PTPRD: variants seen among roughly 807,000 people sequenced by gnomAD.
PTPRD encodes protein tyrosine phosphatase receptor type D, also known as receptor-type tyrosine-protein phosphatase delta.
PTPRD carries 34 observed loss-of-function variants against 214.5 expected under a neutral mutation model. The observed-to-expected ratio is 0.16, with a 90% CI of 0.12 to 0.21. PTPRD has a LOEUF of 0.21. PTPRD is among the 10% of genes least tolerant of loss of function. PTPRD has a pLI of 1.00. For missense variants in PTPRD, 2,545 were observed against 2,398.7 expected (o/e 1.06, Z -1.27); for synonymous variants, 1,128 against 845.7 (o/e 1.33, Z -5.79).
At chr9:10,219,850 C>T (rs564069104) in intron 3 of PTPRD, among the ~76,000 whole-genome samples, 1 of 151,454 alleles carries the variant, frequency 6.6e-6, no homozygotes, top group African/African-American at 2.4e-5. Flanking sequence ...ACAGAAGTAA[C>T]AAAATAATGA....
At chr9:10,555,406 C>G (rs993334787) in intron 2 of PTPRD, among the ~76,000 whole-genome samples, 5 of 152,126 alleles carry the variant, frequency 3.3e-5, no homozygotes, top group African/African-American at 1.2e-4. Flanking sequence ...AAGATATTAC[C>G]TATTACACAA....
At chr9:10,568,555 A>G (rs10756062) in intron 2 of PTPRD, among the ~76,000 whole-genome samples, 41,807 of 151,948 alleles carry the variant, frequency 0.28, 6,126 homozygotes, top group Non-Finnish European at 0.33. Flanking sequence ...GACTTCCACA[A>G]TGGTTGAACT....
intron 12 of PTPRD, among the ~76,000 whole-genome samples, chr9:8,699,931 A>AT (rs1286991622): frequency 1.3e-5 from 2 of 152,170 alleles, no homozygotes; most frequent in East Asian, 1.9e-4. Context: ...TGATTTAACC[A>AT]TTTTTTTCTC....
intron 12 of PTPRD, among the ~76,000 whole-genome samples, chr9:8,726,819 A>G (rs1220717917): frequency 8.2e-6 from 1 of 122,532 alleles, no homozygotes; most frequent in East Asian, 2.4e-4. Flanking sequence ...AAAAAAAAAA[A>G]GATTAGCTAA....
At chr9:9,518,924 T>C (rs2096899689) in intron 8 of PTPRD, among the ~76,000 whole-genome samples, 1 of 152,060 alleles carries the variant, frequency 6.6e-6, no homozygotes, top group Non-Finnish European at 1.5e-5. Flanking sequence ...ATACTTAATA[T>C]GAATATGTAT....
At chr9:10,054,287 G>T (rs2097582777) in intron 3 of PTPRD, among the ~76,000 whole-genome samples, 1 of 152,066 alleles carries the variant, frequency 6.6e-6, no homozygotes, top group South Asian at 2.1e-4. Flanking sequence ...ATTTGAAGAG[G>T]CAATAACAGA....
chr9:10,575,932 A>AC (rs1555550557), intron 2 of PTPRD, among the ~76,000 whole-genome samples: 1 of 151,910 alleles, frequency 6.6e-6, no homozygotes, highest in African/African-American at 2.4e-5. Flanking sequence ...CTGGGGAATT[A>AC]TTTTTTTTAA....
At chr9:10,100,331 T>A (rs417275) in intron 3 of PTPRD, among the ~76,000 whole-genome samples, 50,845 of 151,424 alleles carry the variant, frequency 0.34, 9,354 homozygotes, top group East Asian at 0.53. Context: ...TAGAGAAAAT[T>A]TAAATATCCA....
At position 9,854,699 on chromosome 9, in the gene PTPRD, GT is replaced by G. The variant is rs543963693; in HGVS notation, c.-368+83807del. Among the ~76,000 whole-genome samples, 341 of 151,812 alleles carry G rather than the reference GT, an allele frequency of 2.2e-3. 1 individual carries two copies. Among genetic ancestry groups the G allele is most frequent in the African/African-American group, 6.0e-3 (248 of 41,412 alleles). ...AAATTGTTATTTGAATTATAATCCA[GT>G]TTTTTTTAAATCCCTTTCAACTTCA... On this transcript the variant is annotated intron_variant, in intron 5 of 45. Transcript: ENST00000381196.
At chr9:9,619,915 TA>T (rs1317392559) in intron 7 of PTPRD, among the ~76,000 whole-genome samples, 1 of 150,804 alleles carries the variant, frequency 6.6e-6, no homozygotes, top group Admixed American at 6.6e-5. Context: ...TATAGAAGTA[TA>T]TATGTAATAT....
intron 3 of PTPRD, among the ~76,000 whole-genome samples, chr9:10,062,779 C>A (rs898114710): frequency 1.3e-5 from 2 of 151,958 alleles, no homozygotes; most frequent in Admixed American, 6.6e-5. Flanking sequence ...GTAACTCATG[C>A]TTCCCAAAGG....
intron 3 of PTPRD, among the ~76,000 whole-genome samples, chr9:10,122,663 C>T (rs2098785493): frequency 1.3e-5 from 2 of 152,284 alleles, no homozygotes; most frequent in South Asian, 2.1e-4. Flanking sequence ...CTTCAGTTTT[C>T]TAAATCATCC....
intron 7 of PTPRD, among the ~76,000 whole-genome samples, chr9:9,602,596 T>C (rs1191736757): frequency 2.6e-5 from 4 of 152,110 alleles, no homozygotes; most frequent in Non-Finnish European, 5.9e-5. Flanking sequence ...GCTCATTATA[T>C]TCCTTTTTAT....
At chr9:10,553,181 C>G (rs1273467237) in intron 2 of PTPRD, among the ~76,000 whole-genome samples, 1 of 152,114 alleles carries the variant, frequency 6.6e-6, no homozygotes, top group Non-Finnish European at 1.5e-5. Context: ...TAGGATACAG[C>G]ACAGTCCCCA....
At chr9:10,586,882 AC>A (rs1210734196) in intron 2 of PTPRD, among the ~76,000 whole-genome samples, 2 of 151,490 alleles carry the variant, frequency 1.3e-5, no homozygotes, top group Non-Finnish European at 2.9e-5. Flanking sequence ...TTGTTTTTTA[AC>A]CCCACAAAGT....
intron 5 of PTPRD, among the ~76,000 whole-genome samples, chr9:9,851,030 A>G (rs1360410213): frequency 1.3e-5 from 2 of 152,204 alleles, no homozygotes; most frequent in Non-Finnish European, 2.9e-5. Context: ...AAAATTATTT[A>G]ACCTAACTTC....
intron 5 of PTPRD, among the ~76,000 whole-genome samples, chr9:9,783,298 G>A (rs750521685): frequency 3.3e-5 from 5 of 152,100 alleles, no homozygotes; most frequent in African/African-American, 4.8e-5. Context: ...AGTGCAGTGA[G>A]GAAAATTTCC....
At chr9:9,585,710 G>T (rs1327421882) in intron 7 of PTPRD, among the ~76,000 whole-genome samples, 1 of 151,926 alleles carries the variant, frequency 6.6e-6, no homozygotes, top group African/African-American at 2.4e-5. Context: ...TTGTCTTCAT[G>T]AAAATGAAGA....
chr9:8,793,477 C>T (rs544459400), intron 11 of PTPRD, among the ~76,000 whole-genome samples: 5 of 152,332 alleles, frequency 3.3e-5, no homozygotes, highest in African/African-American at 9.6e-5. Flanking sequence ...TGAGCCAGAA[C>T]TACACAGATT....
Sources: gnomAD v4.1 joint callset for allele counts (sites outside exome capture counted in the v4.1 genomes callset) on GRCh38, gnomAD v4.1.1 for gene constraint, MANE v1.5 for transcripts, NCBI Gene and HGNC (gene_info 2026-07-23, HGNC 2026-07-21) for gene names.